Variants in ARHGAP31 observed in about 807,000 individuals in gnomAD.
ARHGAP31 encodes rho GTPase-activating protein 31.
A neutral mutation model predicts 113.9 loss-of-function variants in ARHGAP31; 34 were observed. The observed-to-expected ratio is 0.30, with a 90% CI of 0.23 to 0.40. ARHGAP31 has a LOEUF of 0.40. Among genes scored for constraint, ARHGAP31 ranks in the 10% least tolerant of loss-of-function variants. ARHGAP31 has a pLI of 1.00. For missense variants in ARHGAP31, 1,548 were observed against 1,767.1 expected (o/e 0.88, Z 2.22); for synonymous variants, 650 against 684.8 (o/e 0.95, Z 0.79).
At chr3:119,387,113 C>T (rs958043260) in intron 6 of ARHGAP31, among the ~76,000 whole-genome samples, 2 of 95,432 alleles carry the variant, frequency 2.1e-5, no homozygotes, top group African/African-American at 4.8e-5. Context: ...AAAGGGAGAC[C>T]CCCCTTTCCC....
At chr3:119,301,076 G>A (rs528518082) in intron 1 of ARHGAP31, among the ~76,000 whole-genome samples, 2 of 152,256 alleles carry the variant, frequency 1.3e-5, no homozygotes, top group South Asian at 2.1e-4. Flanking sequence ...ACTTGAGGCC[G>A]AGCTGTAACT....
intron 1 of ARHGAP31, among the ~76,000 whole-genome samples, chr3:119,334,832 A>G (rs1355103713): frequency 6.6e-6 from 1 of 152,206 alleles, no homozygotes; most frequent in African/African-American, 2.4e-5. Flanking sequence ...AAAGGAAGAA[A>G]CTGAGGCCCA....
intron 1 of ARHGAP31, among the ~76,000 whole-genome samples, chr3:119,330,997 T>G (rs1248960065): frequency 1.3e-5 from 2 of 152,362 alleles, no homozygotes; most frequent in South Asian, 4.1e-4. Flanking sequence ...TCCACCACGC[T>G]GCACATTCTT....
intron 1 of ARHGAP31, among the ~76,000 whole-genome samples, chr3:119,303,087 T>G (rs1184747936): frequency 2.0e-5 from 3 of 152,226 alleles, no homozygotes; most frequent in Non-Finnish European, 4.4e-5. Context: ...CCTGTTGTTT[T>G]GTTCTCTAAC....
chr3:119,371,553 A>G (rs1386901498), intron 3 of ARHGAP31, among the ~76,000 whole-genome samples: 1 of 152,222 alleles, frequency 6.6e-6, no homozygotes, highest in Non-Finnish European at 1.5e-5. Flanking sequence ...TAATATAAGT[A>G]AACCTTCACG....
chr3:119,329,888 T>G (rs532884435), intron 1 of ARHGAP31: 1 of 985,354 alleles, frequency 1.0e-6, no homozygotes, highest in Non-Finnish European at 1.2e-6. Context: ...TCCTCACTGG[T>G]GCTGAGAAAC....
chr3:119,359,348 A>G (rs1228851601), intron 1 of ARHGAP31, among the ~76,000 whole-genome samples: 1 of 152,158 alleles, frequency 6.6e-6, no homozygotes, highest in East Asian at 1.9e-4. Flanking sequence ...AAGAAAAAAT[A>G]AAATGCTTAA....
intron 3 of ARHGAP31, among the ~76,000 whole-genome samples, chr3:119,378,437 C>T (rs565991782): frequency 6.6e-6 from 1 of 152,308 alleles, no homozygotes; most frequent in Admixed American, 6.5e-5. Flanking sequence ...CCTGCCCCGC[C>T]TCTTGGAGAA....
chr3:119,386,590 C>T (rs575971782), intron 6 of ARHGAP31, among the ~76,000 whole-genome samples: 5 of 152,216 alleles, frequency 3.3e-5, no homozygotes, highest in Non-Finnish European at 5.9e-5. Context: ...TGTGCGGCGA[C>T]GAGAGAGTGT....
Position 119,414,706 on chromosome 3 carries a change from C to T in ARHGAP31, c.2777C>T (p.Ala926Val), listed in dbSNP as rs771980065. The change falls in exon 12 of 12, where the codon GCG (alanine) becomes GTG (valine). Residue 926 changes from alanine (A) to valine (V), a missense_variant. Coordinates refer to ENST00000264245, the MANE Select transcript of ARHGAP31 (RefSeq NM_020754.4). Reference protein sequence around the residue: ...SPLHSPTLKDAHKAQVQGLQG... With the variant: ...SPLHSPTLKDVHKAQVQGLQG... Reference sequence around the variant, plus strand: ...CTTCACTCTCCCACCCTGAAAGACGCGCACAAGGCCCAGGTACAGGGCCTT... The same window carrying T: ...CTTCACTCTCCCACCCTGAAAGACGTGCACAAGGCCCAGGTACAGGGCCTT... 6.7e-5 allele frequency: 108 copies of T among 1,614,162 alleles called. No homozygotes were observed. In the East Asian group the frequency reaches 8.2e-4, roughly 12 times the overall value.
chr3:119,376,061 G>A (rs1189823035), intron 3 of ARHGAP31, among the ~76,000 whole-genome samples: 2 of 152,050 alleles, frequency 1.3e-5, no homozygotes, highest in Non-Finnish European at 2.9e-5. Context: ...TAAATTGTAA[G>A]CTTCCCGAGG....
rs766304619 is a variant in ARHGAP31 at position 119,415,738 on chromosome 3, T to C, written c.3809T>C (p.Ile1270Thr). 1.2e-6 allele frequency: 2 copies of C among 1,614,018 alleles called. No individual in the cohort carries two copies. Among genetic ancestry groups the C allele is most frequent in the Admixed American group, 1.7e-5 (1 of 59,994 alleles). Residue 1270 changes from isoleucine (I) to threonine (T), a missense_variant, in exon 12 of 12, where the codon ATT becomes ACT. Ile to Thr is a moderately conservative substitution (Grantham distance 89). Transcript: ENST00000264245. ...EEKPKQDPGA[I>T]KSSPVDATAP... The stretch of plus-strand genomic sequence containing the variant: ...AAACCAAAGCAAGATCCCGGAGCCA[T>C]TAAGTCCTCACCAGTGGATGCCACT...
chr3:119,310,471 C>G (rs2079669814), intron 1 of ARHGAP31, among the ~76,000 whole-genome samples: 1 of 152,172 alleles, frequency 6.6e-6, no homozygotes, highest in African/African-American at 2.4e-5. Context: ...CCCTTAGGAA[C>G]CAGGCTGCAC....
intron 1 of ARHGAP31, among the ~76,000 whole-genome samples, chr3:119,362,743 G>A (rs908631414): frequency 4.7e-5 from 7 of 148,780 alleles, no homozygotes; most frequent in South Asian, 2.3e-4. Context: ...ACTCCAACCC[G>A]AGTGACAAGA....
chr3:119,307,853 C>T (rs1231825745), intron 1 of ARHGAP31, among the ~76,000 whole-genome samples: 1 of 141,538 alleles, frequency 7.1e-6, no homozygotes, highest in East Asian at 2.1e-4. Context: ...TCACATATGC[C>T]TATTTATTTG....
chr3:119,332,110 C>T (rs761590532), intron 1 of ARHGAP31, among the ~76,000 whole-genome samples: 1 of 152,102 alleles, frequency 6.6e-6, no homozygotes, highest in Non-Finnish European at 1.5e-5. Flanking sequence ...TTTCTCTTTT[C>T]CAGGTTAAAT....
At chr3:119,370,004 G>A (rs1347885282) in intron 3 of ARHGAP31, among the ~76,000 whole-genome samples, 5 of 152,034 alleles carry the variant, frequency 3.3e-5, no homozygotes, top group Admixed American at 3.3e-4. Context: ...ATTAAAAAAT[G>A]GGCATAAATG....
chr3:119,343,585 C>T (rs1428610432), intron 1 of ARHGAP31, among the ~76,000 whole-genome samples: 1 of 152,156 alleles, frequency 6.6e-6, no homozygotes, highest in Non-Finnish European at 1.5e-5. Context: ...TCCCCCTGCC[C>T]CAGCCCATCC....
At position 119,294,831 on chromosome 3, in the gene ARHGAP31, C is replaced by T. The variant is rs972823985; in HGVS notation, c.-74C>T. 15 of 1,392,526 alleles carry T rather than the reference C, an allele frequency of 1.1e-5. No individual in the cohort carries two copies. The highest frequency in any genetic ancestry group is 2.2e-4 in the Middle Eastern group (1 of 4,502). 86.3% of individuals were successfully genotyped at this position (1,392,526 alleles called of 1,614,324 possible). ...CCGCGGGGCAGCCGGTGATCTAGCC[C>T]GGGAGCCCATCTTACAGCGGTGCCA... On this transcript the variant is annotated 5_prime_UTR_variant, in exon 1 of 12. Transcript: ENST00000264245.
Sources: allele counts gnomAD v4.1 joint callset (sites outside exome capture counted in the v4.1 genomes callset), GRCh38; gene constraint gnomAD v4.1.1; transcripts MANE v1.5; gene names NCBI Gene and HGNC (gene_info 2026-07-23, HGNC 2026-07-21).